PEX1: variants seen among roughly 807,000 people sequenced by gnomAD.
PEX1 encodes peroxisomal biogenesis factor 1.
In PEX1, 97 loss-of-function variants were observed where a neutral mutation model predicts 152.5. The observed-to-expected ratio is 0.64, with a 90% confidence interval of 0.54 to 0.75. PEX1 has a LOEUF of 0.75. Among genes scored for constraint, PEX1 ranks in the 30% least tolerant of loss-of-function variants. The pLI is 0.00. For missense variants in PEX1, 1,357 were observed against 1,516.3 expected (o/e 0.89, Z 1.74); for synonymous variants, 485 against 531.6 (o/e 0.91, Z 1.21).
intron 1 of PEX1, among the ~76,000 whole-genome samples, chr7:92,527,678 T>C (rs1793346828): frequency 6.6e-6 from 1 of 152,244 alleles, no homozygotes; most frequent in African/African-American, 2.4e-5. Context: ...TATGAAAATA[T>C]GGACGCTGTA....
chr7:92,523,947 T>G (rs1424476817), intron 1 of PEX1, among the ~76,000 whole-genome samples: 1 of 152,162 alleles, frequency 6.6e-6, no homozygotes, highest in Non-Finnish European at 1.5e-5. Flanking sequence ...ATGTGTAATC[T>G]TTATACTTTG....
In PEX1 at chr7:92,517,857, A is replaced by G. The variant is rs2116246510; in HGVS notation, c.658T>C (p.Ser220Pro). 6.5e-7 allele frequency: 1 copy of G among 1,542,606 alleles called. No homozygotes were observed. Among genetic ancestry groups the G allele is most frequent in the Middle Eastern group, 1.8e-4 (1 of 5,698 alleles). The change falls in exon 5 of 24, where the codon TCA becomes CCA. Residue 220 changes from serine (S) to proline (P), a missense_variant. By Grantham distance (74) the Ser-to-Pro change is moderately conservative. Coordinates refer to ENST00000248633, the MANE Select transcript of PEX1 (RefSeq NM_000466.3). ...MKELQTKQLQ[S>P]NTVGITESNE... ...GATTCAGTGATTCCCACAGTATTTG[A>G]CTGAAGTTGCTTGGTTTGAAGTTCT...
Position 92,496,348 on chromosome 7 carries a change from TATAAG to T in PEX1, c.2783+360_2783+364del, listed in dbSNP as rs764630654. ...AAATTGGCCAGATGGACTCTTGACT[TATAAG>T]AGATAAATTAGAAACTGGGGGAAAA... On this transcript the variant is annotated intron_variant, in intron 17 of 23. Transcript: ENST00000248633. Among the ~76,000 whole-genome samples the T allele has an allele frequency of 2.4e-4, 36 of 152,206 alleles. No individual in the cohort carries two copies. The South Asian group carries it at 6.6e-3, about 28-fold the overall frequency.
chr7:92,489,323 C>T lies in PEX1; in HGVS notation c.3737G>A (p.Ser1246Asn). 6.2e-7 allele frequency: 1 copy of T among 1,613,590 alleles called. No individual in the cohort carries two copies. Among genetic ancestry groups the T allele is most frequent in the South Asian group, 1.1e-5 (1 of 91,034 alleles). Residue 1246 changes from serine to asparagine, a missense_variant, in exon 23 of 24, where the codon AGT (serine) becomes AAT (asparagine). Ser to Asn is a conservative substitution (Grantham distance 46). Transcript: ENST00000248633. ...TALGHTRPSISEDDWKNFAEL... is the reference protein window; with the variant it reads ...TALGHTRPSINEDDWKNFAEL... ...AGCAAAATTCTTCCAGTCATCTTCA[C>T]TAATGGATGGTCTTGTGTGACCAAG...
At chr7:92,492,011 T>C (rs1791358218) in intron 20 of PEX1, among the ~76,000 whole-genome samples, 1 of 152,176 alleles carries the variant, frequency 6.6e-6, no homozygotes, top group Admixed American at 6.5e-5. Flanking sequence ...AATAGAATAA[T>C]CCTTCCTAGA....
At chr7:92,525,986 G>A (rs1793248698) in intron 1 of PEX1, among the ~76,000 whole-genome samples, 1 of 152,194 alleles carries the variant, frequency 6.6e-6, no homozygotes, top group Non-Finnish European at 1.5e-5. Context: ...TAAGAGAACA[G>A]AAGTGGGAAG....
rs780491224 is a variant in PEX1 at position 92,487,483 on chromosome 7, G to A, written c.3826C>T (p.Pro1276Ser). The part of the protein sequence containing the change: ...RKNQSGTMFR[P>S]GQKVTLA Reference sequence around the variant, plus strand: ...TATGCTAAAGTTACTTTCTGTCCAGGTCGAAACATTGTTCCACTTTGATTT... The same window carrying A: ...TATGCTAAAGTTACTTTCTGTCCAGATCGAAACATTGTTCCACTTTGATTT... Residue 1276 changes from proline (P) to serine (S), a missense_variant, in exon 24 of 24, where the codon CCT becomes TCT. Coordinates refer to ENST00000248633, the MANE Select transcript of PEX1 (RefSeq NM_000466.3). The A allele has an allele frequency of 3.8e-6, 6 of 1,594,404 alleles. No individual in the cohort carries two copies. The highest frequency in any genetic ancestry group is 1.3e-5 in the African/African-American group (1 of 74,520).
chr7:92,526,162 T>C (rs1341522268), intron 1 of PEX1, among the ~76,000 whole-genome samples: 1 of 152,214 alleles, frequency 6.6e-6, no homozygotes, highest in Non-Finnish European at 1.5e-5. Context: ...GTCTCTATCG[T>C]CATTAAAATT....
intron 5 of PEX1, among the ~76,000 whole-genome samples, chr7:92,514,598 C>T (rs1289083457): frequency 3.3e-5 from 5 of 152,044 alleles, no homozygotes; most frequent in Admixed American, 3.3e-4. Context: ...AGACAATCTG[C>T]CTGATTGTCT....
Position 92,518,232 on chromosome 7 carries a change from T to C in PEX1, c.381A>G (p.Glu127=), listed in dbSNP as rs1792894541. 1.2e-6 allele frequency: 2 copies of C among 1,612,222 alleles called. No individual in the cohort carries two copies. Among genetic ancestry groups the C allele is most frequent in the South Asian group, 1.1e-5 (1 of 91,026 alleles). ...TTCGAATTTGATCTAGAAGATGTTGTTCAAGGGAAACAGCATGCAGCTCCT... is the reference window on the plus strand; with the variant it reads ...TTCGAATTTGATCTAGAAGATGTTGCTCAAGGGAAACAGCATGCAGCTCCT... The part of the protein sequence containing the change: ...EILELHAVSL[E]QHLLDQIRIV... The change falls in exon 4 of 24, where the codon GAA becomes GAG. Residue 127 remains glutamate (E), a synonymous_variant. Coordinates refer to ENST00000248633, the MANE Select transcript of PEX1 (RefSeq NM_000466.3).
chr7:92,489,460 A>G (rs1337832862), intron 22 of PEX1, 37 bp from the exon 23 acceptor site: 1 of 1,588,158 alleles, frequency 6.3e-7, no homozygotes, highest in African/African-American at 1.3e-5. Context: ...GAGTTAAATT[A>G]AGGATGTAAA....
chr7:92,504,289 A>G (rs962793611), intron 12 of PEX1, among the ~76,000 whole-genome samples: 1 of 152,054 alleles, frequency 6.6e-6, no homozygotes, highest in Non-Finnish European at 1.5e-5. Context: ...GAATATCTTC[A>G]TGTAGAATAC....
intron 13 of PEX1, among the ~76,000 whole-genome samples, chr7:92,502,538 A>G (rs1201823500): frequency 6.6e-6 from 1 of 152,172 alleles, no homozygotes; most frequent in Non-Finnish European, 1.5e-5. Context: ...CCATTCTATT[A>G]TCCTTAATAA....
At position 92,522,108 on chromosome 7, in the gene PEX1, C is replaced by T. The variant is rs1323919866; in HGVS notation, c.267G>A (p.Gly89=). The T allele has an allele frequency of 5.0e-6, 8 of 1,613,804 alleles. No homozygotes were observed. Among genetic ancestry groups the T allele is most frequent in the Non-Finnish European group, 6.8e-6 (8 of 1,179,922 alleles). ...TGCCATCACATGTGCTTACCTGTCC[C>T]CCATTTGAGAGTCCAAGTTTTTGAC... ...QVGQKLGLSN[G]GQVFLKPCSH... The change falls in exon 2 of 24, where the codon GGG becomes GGA. Residue 89 remains glycine (G), a synonymous_variant. Transcript: ENST00000248633.
intron 13 of PEX1, among the ~76,000 whole-genome samples, chr7:92,502,509 A>G (rs1212603765): frequency 6.6e-6 from 1 of 152,178 alleles, no homozygotes; most frequent in Non-Finnish European, 1.5e-5. Context: ...TTCATATTCA[A>G]TGACCAATAT....
rs774797548 is a variant in PEX1, at chr7:92,511,660, G to A, written c.1403C>T (p.Ser468Leu). ...GGTGGTAGTAGACTGCTGTAGCCAT[G>A]AATAAAATACAGTTTTTATGTCTTC... ...SEEDIKTVFY[S>L]WLQQSTTTML... Residue 468 changes from serine (S) to leucine (L), a missense_variant, in exon 7 of 24, where the codon TCA (serine) becomes TTA (leucine). Physicochemically the swap from Ser to Leu is moderately radical, Grantham distance 145 (BLOSUM62 -2). Transcript: ENST00000248633. 6.2e-7 allele frequency: 1 copy of A among 1,611,600 alleles called. No individual in the cohort carries two copies. The highest frequency in any genetic ancestry group is 8.5e-7 in the Non-Finnish European group (1 of 1,178,148).
At position 92,522,105 on chromosome 7, in the gene PEX1, TC is replaced by T. The variant is rs1275822594; in HGVS notation, c.269del (p.Gly90AspfsTer42). On this transcript the variant is annotated frameshift_variant, in exon 2 of 24. Transcript: ENST00000248633. LOFTEE classifies it high-confidence loss of function. ...TATTGCCATCACATGTGCTTACCTG[TC>T]CCCCATTTGAGAGTCCAAGTTTTTG... ...VGQKLGLSNG[G>X]QVFLKPCSHV... 6.2e-7 allele frequency: 1 copy of T among 1,613,928 alleles called. No individual in the cohort carries two copies. Among genetic ancestry groups the T allele is most frequent in the Admixed American group, 1.7e-5 (1 of 60,014 alleles).
At chr7:92,494,432 G>A in intron 18 of PEX1, 36 bp from the exon 19 acceptor site, 1 of 1,610,086 alleles carries the variant, frequency 6.2e-7, no homozygotes, top group Non-Finnish European at 8.5e-7. Context: ...ACCAAAATCT[G>A]ATGACATGAT....
intron 21 of PEX1, 25 bp downstream of exon 21, chr7:92,491,247 G>A (rs762375719): frequency 1.4e-6 from 2 of 1,412,824 alleles, no homozygotes; most frequent in South Asian, 1.1e-5. Flanking sequence ...TTTCAGAACT[G>A]TATAATGATG....
Sources: allele counts gnomAD v4.1 joint callset (sites outside exome capture counted in the v4.1 genomes callset), GRCh38; gene constraint gnomAD v4.1.1; transcripts MANE v1.5; gene names NCBI Gene and HGNC (gene_info 2026-07-23, HGNC 2026-07-21).